PELI1: variants seen among roughly 807,000 people sequenced by gnomAD.
The protein encoded by PELI1 is E3 ubiquitin-protein ligase pellino homolog 1.
Under a neutral mutation model 41.3 loss-of-function variants are expected in PELI1, and 15 were observed. The observed-to-expected ratio is 0.36, with a 90% CI of 0.24 to 0.56. The LOEUF (loss-of-function observed/expected upper bound fraction) is 0.56. Ranked by LOEUF, PELI1 falls within the 20% of genes least tolerant of loss-of-function variation. The probability of loss-of-function intolerance (pLI) is 0.82; values close to 1 mark genes in which losing one functional copy is unlikely to be tolerated. For synonymous variants in PELI1, 178 were observed against 180.1 expected, an observed-to-expected ratio of 0.99 and a Z score of 0.09; for missense variants, 403 against 525.5, an observed-to-expected ratio of 0.77 and a Z score of 2.28.
At chr2:64,102,360 A>G (rs1045363360) in intron 3 of PELI1, among the ~76,000 whole-genome samples, 4 of 151,726 alleles carry the variant, frequency 2.6e-5, no homozygotes, top group Admixed American at 2.6e-4. Flanking sequence ...ACACACACAT[A>G]TACATATATA....
At chr2:64,132,261 T>C (rs1158600157) in intron 1 of PELI1, among the ~76,000 whole-genome samples, 1 of 152,202 alleles carries the variant, frequency 6.6e-6, no homozygotes, top group Non-Finnish European at 1.5e-5. Context: ...TGAGCATTCC[T>C]AATCTGAAAA....
intron 1 of PELI1, among the ~76,000 whole-genome samples, chr2:64,112,387 T>A (rs1453902233): frequency 6.6e-6 from 1 of 152,112 alleles, no homozygotes; most frequent in Non-Finnish European, 1.5e-5. Context: ...ACAAGTAACG[T>A]GCATAACACT....
At chr2:64,135,824 T>G (rs957926649) in intron 1 of PELI1, among the ~76,000 whole-genome samples, 11 of 152,250 alleles carry the variant, frequency 7.2e-5, no homozygotes, top group Non-Finnish European at 1.3e-4. Context: ...GATGCACTTT[T>G]GCAAAGCAAT....
chr2:64,115,191 C>T (rs1037591769), intron 1 of PELI1, among the ~76,000 whole-genome samples: 2 of 152,094 alleles, frequency 1.3e-5, no homozygotes, highest in East Asian at 1.9e-4. Context: ...TGAAGGAAAG[C>T]GACTAGAGCT....
At chr2:64,113,380 G>A (rs1680888469) in intron 1 of PELI1, among the ~76,000 whole-genome samples, 1 of 151,704 alleles carries the variant, frequency 6.6e-6, no homozygotes, top group South Asian at 2.1e-4. Flanking sequence ...CGAATGTCTC[G>A]ATTACTGGCT....
At chr2:64,105,807 G>A (rs1415720075) in intron 2 of PELI1, among the ~76,000 whole-genome samples, 1 of 151,666 alleles carries the variant, frequency 6.6e-6, no homozygotes, top group Non-Finnish European at 1.5e-5. Flanking sequence ...CCCTGCCCCC[G>A]CCCCCTGACA....
At chr2:64,140,785 T>A (rs1253045994) in intron 1 of PELI1, among the ~76,000 whole-genome samples, 1 of 25,032 alleles carries the variant, frequency 4.0e-5, no homozygotes, top group African/African-American at 5.8e-4. Flanking sequence ...CAAGACAACA[T>A]GCAAAAAAAA....
intron 1 of PELI1, among the ~76,000 whole-genome samples, chr2:64,137,391 C>T (rs1336656822): frequency 1.3e-5 from 2 of 152,116 alleles, no homozygotes; most frequent in African/African-American, 4.8e-5. Context: ...GTTTTAAATA[C>T]CATCCCTTTA....
chr2:64,110,031 T>G (rs13428357), intron 1 of PELI1, among the ~76,000 whole-genome samples: 11,965 of 151,962 alleles, frequency 0.079, 714 homozygotes, highest in African/African-American at 0.17. Flanking sequence ...GATCACTTGA[T>G]GTCAGGAGTT....
Position 64,094,093 on chromosome 2 carries a change from T to A in PELI1, c.*609A>T, listed in dbSNP as rs561209450. 6.5e-6 allele frequency: 1 copy of A among 152,740 alleles called. No homozygotes were observed. Among genetic ancestry groups the A allele is most frequent in the East Asian group, 1.9e-4 (1 of 5,192 alleles). The allele number at this position is 152,740 out of a possible 1,614,324, so 9.5% of individuals were successfully genotyped here. A position where few individuals can be genotyped will look rare whatever the true frequency, so the allele number is the denominator to read the frequency against. On this transcript the variant is annotated 3_prime_UTR_variant, in exon 7 of 7. Coordinates refer to ENST00000358912, the MANE Select transcript of PELI1 (RefSeq NM_020651.4). ...ATTAGTATGAATTTGGTCTTACAAA[T>A]TACAAAGTATTCTAATTTACCAAAT...
At chr2:64,112,773 A>G (rs2901645) in intron 1 of PELI1, among the ~76,000 whole-genome samples, 38,003 of 152,110 alleles carry the variant, frequency 0.25, 5,817 homozygotes, top group East Asian at 0.74. Context: ...ATCAATCAAT[A>G]TACAACTGGC....
At position 64,100,467 on chromosome 2, in the gene PELI1, T is replaced by G; in HGVS notation, c.234A>C (p.Ser78=). Residue 78 remains serine (S), a synonymous_variant, in exon 4 of 7, where the codon TCA becomes TCC. Transcript: ENST00000358912. ...CAGTCTGGGCCCGAGATAAAGTATATGATATGCTATGCTGGTCTTTGTTGC... is the reference window on the plus strand; with the variant it reads ...CAGTCTGGGCCCGAGATAAAGTATAGGATATGCTATGCTGGTCTTTGTTGC... The part of the protein sequence containing the change: ...AISNKDQHSI[S]YTLSRAQTVV... The G allele has an allele frequency of 6.3e-7, 1 of 1,585,546 alleles. No individual in the cohort carries two copies. The highest frequency in any genetic ancestry group is 8.7e-7 in the Non-Finnish European group (1 of 1,154,168).
chr2:64,113,525 C>T (rs1395644060), intron 1 of PELI1, among the ~76,000 whole-genome samples: 1 of 152,022 alleles, frequency 6.6e-6, no homozygotes, highest in Non-Finnish European at 1.5e-5. Context: ...GAAAATCTTC[C>T]TAATAAAACT....
At chr2:64,097,979 T>C (rs189505416) in intron 4 of PELI1, among the ~76,000 whole-genome samples, 101 of 152,242 alleles carry the variant, frequency 6.6e-4, no homozygotes, top group African/African-American at 2.1e-3. Context: ...AAAAGGCTCT[T>C]TAAAAGCTAA....
chr2:64,137,292 G>T (rs760709174), intron 1 of PELI1, among the ~76,000 whole-genome samples: 2 of 152,152 alleles, frequency 1.3e-5, no homozygotes, highest in African/African-American at 2.4e-5. Flanking sequence ...TTAAGAACCA[G>T]ATTCATCTCT....
At chr2:64,102,110 C>T (rs555752266) in intron 3 of PELI1, among the ~76,000 whole-genome samples, 1 of 152,086 alleles carries the variant, frequency 6.6e-6, no homozygotes, top group Non-Finnish European at 1.5e-5. Context: ...CAGGCGTGAG[C>T]CATTGTGCCT....
rs767459868 is a variant in PELI1, at chr2:64,093,984, T to C, written c.*718A>G. On this transcript the variant is annotated 3_prime_UTR_variant, in exon 7 of 7. Coordinates refer to ENST00000358912, the MANE Select transcript of PELI1 (RefSeq NM_020651.4). ...TCTTAGCATTAAGTTTTTGTTATAG[T>C]ACTACGCTCGAGAGAAACATTAAGA... is the stretch of plus-strand genomic sequence containing the variant. 1 of 152,674 alleles carries C rather than the reference T, an allele frequency of 6.5e-6. No individual in the cohort carries two copies. Among genetic ancestry groups the C allele is most frequent in the African/African-American group, 2.4e-5 (1 of 41,464 alleles). The allele number at this position is 152,674 out of a possible 1,614,324, so 9.5% of individuals were successfully genotyped here.
chr2:64,097,190 T>C (rs1417944493), intron 4 of PELI1, among the ~76,000 whole-genome samples: 1 of 152,232 alleles, frequency 6.6e-6, no homozygotes, highest in Non-Finnish European at 1.5e-5. Context: ...TCTTGTTTCT[T>C]TTCTGTCAGG....
intron 1 of PELI1, among the ~76,000 whole-genome samples, chr2:64,122,060 T>C (rs920326089): frequency 1.3e-5 from 2 of 152,144 alleles, no homozygotes; most frequent in African/African-American, 4.8e-5. Context: ...GCTTCTCATA[T>C]ATGCTTTCTT....
Sources: gnomAD v4.1 joint callset for allele counts (sites outside exome capture counted in the v4.1 genomes callset) on GRCh38, gnomAD v4.1.1 for gene constraint, MANE v1.5 for transcripts, NCBI Gene and HGNC (gene_info 2026-07-23, HGNC 2026-07-21) for gene names.